Variants in CIITA observed in about 807,000 individuals in gnomAD.
CIITA encodes class II major histocompatibility complex transactivator, also known as MHC class II transactivator.
Under a neutral mutation model 115.1 loss-of-function variants are expected in CIITA, and 72 were observed. The ratio of observed to expected loss-of-function variants is 0.63; its 90% confidence interval spans 0.52 to 0.76. The LOEUF (loss-of-function observed/expected upper bound fraction) is 0.76, where lower values mean the gene tolerates loss of function less well. Among genes scored for constraint, CIITA ranks in the 30% least tolerant of loss-of-function variants. CIITA has a pLI of 0.00. For missense variants in CIITA, 1,617 were observed against 1,463.8 expected, an observed-to-expected ratio of 1.10 and a Z score of -1.71; for synonymous variants, 763 against 635.6, an observed-to-expected ratio of 1.20 and a Z score of -3.02.
At chr16:10,883,559 G>A (rs1321955829) in intron 1 of CIITA, among the ~76,000 whole-genome samples, 3 of 152,134 alleles carry the variant, frequency 2.0e-5, no homozygotes, top group Admixed American at 6.5e-5. Context: ...GTCCTCAATC[G>A]GGACCCAGAG....
Position 10,929,569 on chromosome 16 carries a change from A to C in CIITA, c.*5714A>C. Reference sequence around the variant, plus strand: ...TTTGAGGGGAGCAGGTCTAACAAGAAGGAAAAAGGGGGGTTATTAGCACGG... The same window carrying C: ...TTTGAGGGGAGCAGGTCTAACAAGACGGAAAAAGGGGGGTTATTAGCACGG... On this transcript the variant is annotated 3_prime_UTR_variant, in exon 20 of 20. Transcript: ENST00000324288. This position sits in a 1 kb window ranked among gnomAD's most constrained non-coding sequence, Gnocchi z 4.3. 1.0e-6 allele frequency: 1 copy of C among 985,406 alleles called. No individual in the cohort carries two copies. Among genetic ancestry groups the C allele is most frequent in the Non-Finnish European group, 1.2e-6 (1 of 829,940 alleles). The allele number at this position is 985,406 out of a possible 1,614,324, so 61.0% of individuals were successfully genotyped here.
chr16:10,913,107 C>A (rs1051144020), intron 13 of CIITA, among the ~76,000 whole-genome samples: 21 of 152,194 alleles, frequency 1.4e-4, no homozygotes, highest in Admixed American at 1.3e-3. Flanking sequence ...GGCTTTCAAC[C>A]TCCTAGGCAT....
At chr16:10,871,724 C>G (rs1201275315) in intron 1 of CIITA, among the ~76,000 whole-genome samples, 2 of 152,194 alleles carry the variant, frequency 1.3e-5, no homozygotes, top group Non-Finnish European at 2.9e-5. Context: ...TCCTGAGAAC[C>G]AGCCCCTGTT....
intron 1 of CIITA, among the ~76,000 whole-genome samples, chr16:10,886,601 G>A (rs74007572): frequency 0.049 from 7,480 of 152,238 alleles, 651 homozygotes; most frequent in African/African-American, 0.17. Context: ...CCACAAACCC[G>A]TGTAACCAAC....
chr16:10,901,993 G>C lies in CIITA; in HGVS notation c.482-45G>C. 7 of 1,611,676 alleles carry C rather than the reference G, an allele frequency of 4.3e-6. No homozygotes were observed. Among genetic ancestry groups the C allele is most frequent in the Non-Finnish European group, 5.9e-6 (7 of 1,179,642 alleles). On this transcript the variant is annotated intron_variant, in intron 6 of 19. Coordinates refer to ENST00000324288, the MANE Select transcript of CIITA (RefSeq NM_000246.4). The surrounding 1 kb of genome is among the most constrained non-coding windows in gnomAD (Gnocchi z 6.8). ...CCAGGGCCCTCCCCATCCCAGGAAG[G>C]CCCCTCCAAGCACCCAGTCTCTAAC...
rs978608065 is a variant in CIITA, at chr16:10,901,024, A to G, written c.437-490A>G. Among the ~76,000 whole-genome samples, 3 of 152,136 alleles carry G rather than the reference A, an allele frequency of 2.0e-5. No homozygotes were observed. Among genetic ancestry groups the G allele is most frequent in the Non-Finnish European group, 2.9e-5 (2 of 68,034 alleles). On this transcript the variant is annotated intron_variant, in intron 5 of 19. Coordinates refer to ENST00000324288, the MANE Select transcript of CIITA (RefSeq NM_000246.4). This position sits in a 1 kb window ranked among gnomAD's most constrained non-coding sequence, Gnocchi z 6.8. ...GGCCATGCAGTGTTTCGTTGGGTAG[A>G]TGAACCATAATTTGTTTAAGCAGTC...
At chr16:10,866,356 G>C (rs1213367733) in intron 1 of CIITA, 1 of 568,834 alleles carries the variant, frequency 1.8e-6, no homozygotes, top group Admixed American at 1.9e-5. Context: ...GCCCAGCCTG[G>C]TGCAGGCCCT....
chr16:10,892,038 T>C (rs939478777), intron 1 of CIITA, among the ~76,000 whole-genome samples: 2 of 152,242 alleles, frequency 1.3e-5, no homozygotes, highest in African/African-American at 4.8e-5. Flanking sequence ...AAAATGGGTC[T>C]CTGGGCCGGG....
At chr16:10,921,499 C>A (rs1360326256) in intron 16 of CIITA, among the ~76,000 whole-genome samples, 3 of 152,168 alleles carry the variant, frequency 2.0e-5, no homozygotes, top group Non-Finnish European at 4.4e-5. Context: ...TCATTCTAGG[C>A]ACCAAGGCAT....
Position 10,902,731 on chromosome 16 carries a change from C to T in CIITA, c.702C>T (p.Ser234=). The T allele has an allele frequency of 6.2e-7, 1 of 1,614,230 alleles. No homozygotes were observed. The highest frequency in any genetic ancestry group is 8.5e-7 in the Non-Finnish European group (1 of 1,180,028). Reference sequence around the variant, plus strand: ...CCATCCAGTTTGTCCCCACCATCTCCACTCTGCCCCATGGGCTCTGGCAAA... The same window carrying T: ...CCATCCAGTTTGTCCCCACCATCTCTACTCTGCCCCATGGGCTCTGGCAAA... ...EGPIQFVPTI[S]TLPHGLWQIS... Residue 234 remains serine, a synonymous_variant, in exon 8 of 20, where the codon TCC becomes TCT. Transcript: ENST00000324288.
Position 10,893,804 on chromosome 16 carries a change from T to TAAAAAAAAAAA in CIITA, c.53-1458_53-1448dup, listed in dbSNP as rs71136603. ...AGCCTGGGTGACAGAGACTCCGTCT[T>TAAAAAAAAAAA]AAAAAAAAAAAAAAAAAAAAAAAAA... On this transcript the variant is annotated intron_variant, in intron 1 of 19. Transcript: ENST00000324288. 9.1e-3 allele frequency among the ~76,000 whole-genome samples: 293 copies of TAAAAAAAAAAA among 32,160 alleles called. 23 individuals carry two copies. The highest frequency in any genetic ancestry group is 0.012 in the Non-Finnish European group (214 of 18,078). 21.1% of individuals were successfully genotyped at this position (32,160 alleles called of 152,430 possible).
In CIITA at chr16:10,907,959, C is replaced by A; in HGVS notation, c.2467C>A (p.Gln823Lys). 6.4e-7 allele frequency: 1 copy of A among 1,565,458 alleles called. No homozygotes were observed. Reference protein sequence around the residue: ...AHEAEEAGIWQHVVQELPGRL... With the variant: ...AHEAEEAGIWKHVVQELPGRL... ...CGAGGCCGAGGAGGCTGGAATTTGG[C>A]AGCACGTGGTACAGGAGCTCCCCGG... Residue 823 changes from glutamine (Q) to lysine (K), a missense_variant, in exon 11 of 20, where the codon CAG becomes AAG. Gln to Lys is a moderately conservative substitution (Grantham distance 53). Coordinates refer to ENST00000324288, the MANE Select transcript of CIITA (RefSeq NM_000246.4). This position sits in a 1 kb window ranked among gnomAD's most constrained non-coding sequence, Gnocchi z 5.0.
chr16:10,886,893 C>T (rs1402908520), intron 1 of CIITA, among the ~76,000 whole-genome samples: 1 of 152,192 alleles, frequency 6.6e-6, no homozygotes, highest in African/African-American at 2.4e-5. Flanking sequence ...TATGTTTTGT[C>T]TCTCTCCTAA....
At chr16:10,866,566 C>T (rs780283307) in intron 1 of CIITA, 3 of 539,738 alleles carry the variant, frequency 5.6e-6, no homozygotes, top group Non-Finnish European at 1.1e-5. Flanking sequence ...CCACAGTGAC[C>T]ATGGTGGTAA....
chr16:10,941,800 T>A lies in CIITA; in HGVS notation n.926T>A, dbSNP rs374035200. On this transcript the variant is annotated non_coding_transcript_exon_variant, in exon 2 of 2. Transcript: ENST00000573379. The surrounding 1 kb of genome is among the most constrained non-coding windows in gnomAD (Gnocchi z 6.4). Reference sequence around the variant, plus strand: ...GCCGGGGTCGGAGAGCACGCCGAGGTCCACGAGCGCCTGGTCCATGTCCTC... The same window carrying A: ...GCCGGGGTCGGAGAGCACGCCGAGGACCACGAGCGCCTGGTCCATGTCCTC... The A allele has an allele frequency of 2.5e-6, 4 of 1,613,112 alleles. No homozygotes were observed. The East Asian group carries it at 6.7e-5, about 27-fold the overall frequency.
chr16:10,872,457 A>G (rs989305523), upstream of CIITA, among the ~76,000 whole-genome samples: 1 of 152,108 alleles, frequency 6.6e-6, no homozygotes, highest in African/African-American at 2.4e-5. Context: ...TCTACTTCTC[A>G]ATTTATCTAT....
At chr16:10,873,091 G>T (rs11866444), upstream of CIITA, among the ~76,000 whole-genome samples, 4 of 152,110 alleles carry the variant, frequency 2.6e-5, no homozygotes, top group African/African-American at 9.7e-5. Flanking sequence ...TCCCATCTCA[G>T]CCTCCCAAGT....
chr16:10,916,578 A>G (rs1164125105), intron 15 of CIITA, 119 bp downstream of exon 15: 3 of 845,826 alleles, frequency 3.5e-6, no homozygotes, highest in South Asian at 2.9e-5. Flanking sequence ...CCCAGGCTAG[A>G]ATATAGTGCT....
intron 1 of CIITA, among the ~76,000 whole-genome samples, chr16:10,878,135 C>A (rs985943634): frequency 6.6e-6 from 1 of 152,144 alleles, no homozygotes; most frequent in African/African-American, 2.4e-5. Context: ...GAATTGAGCT[C>A]ATAGGAGCTC....
Sources: gnomAD v4.1 joint callset for allele counts (sites outside exome capture counted in the v4.1 genomes callset) on GRCh38, gnomAD v4.1.1 for gene constraint, Gnocchi (gnomAD v3.1) non-coding constraint, MANE v1.5 for transcripts, NCBI Gene and HGNC (gene_info 2026-07-23, HGNC 2026-07-21) for gene names.